The following HS3ST3A1 variants were observed in gnomAD, a reference collection of about 807,000 sequenced individuals.
HS3ST3A1 encodes heparan sulfate glucosamine 3-O-sulfotransferase 3A1.
HS3ST3A1 carries 19 observed loss-of-function variants against 25.7 expected under a neutral mutation model. That is an observed-to-expected ratio of 0.74 (90% CI 0.52 to 1.08). HS3ST3A1 has a LOEUF of 1.08. HS3ST3A1 is among the 50% of genes least tolerant of loss of function. HS3ST3A1 has a pLI of 0.00. For missense variants in HS3ST3A1, 459 were observed against 594.3 expected (o/e 0.77, Z 2.37); for synonymous variants, 226 against 278.6 (o/e 0.81, Z 1.88).
chr17:13,513,752 A>G (rs1356427342), intron 1 of HS3ST3A1, among the ~76,000 whole-genome samples: 1 of 152,168 alleles, frequency 6.6e-6, no homozygotes, highest in African/African-American at 2.4e-5. Context: ...TTATTATTGG[A>G]TACGTGGGTT....
chr17:13,502,013 A>T (rs148486273), intron 1 of HS3ST3A1, among the ~76,000 whole-genome samples: 29 of 152,216 alleles, frequency 1.9e-4, no homozygotes, highest in Admixed American at 1.6e-3. Context: ...CTTCCATGGC[A>T]TGGGTGCAGT....
At chr17:13,567,487 T>C (rs537672177) in intron 1 of HS3ST3A1, among the ~76,000 whole-genome samples, 1 of 152,242 alleles carries the variant, frequency 6.6e-6, no homozygotes, top group Non-Finnish European at 1.5e-5. Context: ...CTACCATAGA[T>C]AGTGATTCCT....
At chr17:13,515,946 T>C (rs1906038037) in intron 1 of HS3ST3A1, among the ~76,000 whole-genome samples, 1 of 152,202 alleles carries the variant, frequency 6.6e-6, no homozygotes, top group Non-Finnish European at 1.5e-5. Flanking sequence ...TATTGAAATG[T>C]TTATTACAGT....
rs1908707571 is a variant in HS3ST3A1, at chr17:13,600,790, C to T, written c.340G>A (p.Glu114Lys). ...CCTGACAGGCCAGGGGACTCTTCTTCCCAGGCCGCCTCCTCGCCGTCGTCG... is the reference window on the plus strand; with the variant it reads ...CCTGACAGGCCAGGGGACTCTTCTTTCCAGGCCGCCTCCTCGCCGTCGTCG... ...PRDDGEEAAWEEESPGLSGGP... is the reference protein window; with the variant it reads ...PRDDGEEAAWKEESPGLSGGP... Residue 114 changes from glutamate to lysine, a missense_variant, in exon 1 of 2, where the codon GAA becomes AAA. By Grantham distance (56) the Glu-to-Lys change is moderately conservative. Transcript: ENST00000284110. 1 of 1,435,198 alleles carries T rather than the reference C, an allele frequency of 7.0e-7. No homozygotes were observed. Among genetic ancestry groups the T allele is most frequent in the Non-Finnish European group, 9.0e-7 (1 of 1,107,606 alleles). 88.9% of individuals were successfully genotyped at this position (1,435,198 alleles called of 1,614,324 possible).
intron 1 of HS3ST3A1, among the ~76,000 whole-genome samples, chr17:13,542,988 C>T (rs1598420907): frequency 6.6e-6 from 1 of 152,184 alleles, no homozygotes; most frequent in East Asian, 1.9e-4. Flanking sequence ...GCACACACAG[C>T]AGTTCCTGGA....
chr17:13,599,007 A>T (rs1311120082), intron 1 of HS3ST3A1, among the ~76,000 whole-genome samples: 1 of 152,100 alleles, frequency 6.6e-6, no homozygotes, highest in East Asian at 1.9e-4. Flanking sequence ...GCAAACTGCT[A>T]TAGATAAGAG....
rs1255070112 is a variant in HS3ST3A1 at position 13,601,072 on chromosome 17, TGCGGGACA to T, written c.50_57del (p.Leu17GlnfsTer355). The T allele has an allele frequency of 1.3e-6, 2 of 1,598,020 alleles. No homozygotes were observed. The highest frequency in any genetic ancestry group is 1.7e-6 in the Non-Finnish European group (2 of 1,173,234). ...ATCAGCAAGAACTTCCGGAAGATGC[TGCGGGACA>T]GCGGCTCGGCCGAGGTGGAGAGGGC... On this transcript the variant is annotated frameshift_variant, in exon 1 of 2. Transcript: ENST00000284110. LOFTEE classifies it high-confidence loss of function.
chr17:13,593,787 GATC>G (rs1310930134), intron 1 of HS3ST3A1, among the ~76,000 whole-genome samples: 1 of 152,160 alleles, frequency 6.6e-6, no homozygotes, highest in Non-Finnish European at 1.5e-5. Context: ...TCACCCAAAT[GATC>G]ATCTTAGGGG....
At chr17:13,552,285 G>A (rs1232035356) in intron 1 of HS3ST3A1, among the ~76,000 whole-genome samples, 3 of 152,122 alleles carry the variant, frequency 2.0e-5, no homozygotes, top group Non-Finnish European at 4.4e-5. Flanking sequence ...GTTTCACTAT[G>A]TTGGCCAGAC....
At chr17:13,571,104 GAA>G (rs1907795966) in intron 1 of HS3ST3A1, among the ~76,000 whole-genome samples, 2 of 152,118 alleles carry the variant, frequency 1.3e-5, no homozygotes, top group Non-Finnish European at 2.9e-5. Flanking sequence ...AGCCAAACTG[GAA>G]TTAAAGGGAG....
rs1032658136 is a variant in HS3ST3A1 at position 13,495,391 on chromosome 17, T to C, written c.*806A>G. 6.6e-6 allele frequency among the ~76,000 whole-genome samples: 1 copy of C among 152,202 alleles called. No homozygotes were observed. Among genetic ancestry groups the C allele is most frequent in the Non-Finnish European group, 1.5e-5 (1 of 68,032 alleles). On this transcript the variant is annotated 3_prime_UTR_variant, in exon 2 of 2. Coordinates refer to ENST00000284110, the MANE Select transcript of HS3ST3A1 (RefSeq NM_006042.3). Reference sequence around the variant, plus strand: ...TCAGTGGTTTTCTTGGACACAACTATGTAATGAGACTGGGTGCCATGAGGG... The same window carrying C: ...TCAGTGGTTTTCTTGGACACAACTACGTAATGAGACTGGGTGCCATGAGGG...
At chr17:13,598,168 C>T (rs181987388) in intron 1 of HS3ST3A1, among the ~76,000 whole-genome samples, 2 of 152,238 alleles carry the variant, frequency 1.3e-5, no homozygotes, top group East Asian at 1.9e-4. Flanking sequence ...TTTGGGCTGA[C>T]TCATGCAGGT....
chr17:13,536,729 T>A (rs1906781679), intron 1 of HS3ST3A1, among the ~76,000 whole-genome samples: 1 of 152,226 alleles, frequency 6.6e-6, no homozygotes, highest in Non-Finnish European at 1.5e-5. Flanking sequence ...GGTTAGGCTC[T>A]CTGGGCATGT....
At position 13,601,437 on chromosome 17, in the gene HS3ST3A1, T is replaced by G; in HGVS notation, c.-308A>C. 5.3e-5 allele frequency: 15 copies of G among 281,688 alleles called. No homozygotes were observed. The highest frequency in any genetic ancestry group is 6.6e-5 in the Non-Finnish European group (10 of 151,918). The allele number at this position is 281,688 out of a possible 1,614,324, so 17.4% of individuals were successfully genotyped here. ...GCTTGGGGCAGCCTTGGCCCCTCGG[T>G]TCCCCGCAAGAGTCGCCGGAATCGG... On this transcript the variant is annotated 5_prime_UTR_variant, in exon 1 of 2. Coordinates refer to ENST00000284110, the MANE Select transcript of HS3ST3A1 (RefSeq NM_006042.3).
rs189185036 is a variant in HS3ST3A1 at position 13,524,568 on chromosome 17, A to G, written c.600-27750T>C. ...GCTTAAGCATATTTTTGATATTTCT[A>G]TATTTATTCTTGTTTTTCCAATTGC... On this transcript the variant is annotated intron_variant, in intron 1 of 1. Transcript: ENST00000284110. Among the ~76,000 whole-genome samples the G allele has an allele frequency of 2.1e-3, 321 of 152,220 alleles. 5 individuals carry two copies. Among genetic ancestry groups the G allele is most frequent in the Non-Finnish European group, 5.0e-4 (34 of 68,008 alleles).
intron 1 of HS3ST3A1, among the ~76,000 whole-genome samples, chr17:13,537,801 G>A (rs867189526): frequency 1.3e-5 from 2 of 152,316 alleles, no homozygotes; most frequent in Middle Eastern, 3.4e-3. Flanking sequence ...CTGGAGGGCA[G>A]GTGGTGGCAC....
chr17:13,515,284 CG>C (rs1567611647), intron 1 of HS3ST3A1, among the ~76,000 whole-genome samples: 1 of 152,074 alleles, frequency 6.6e-6, no homozygotes, highest in East Asian at 1.9e-4. Context: ...CTCAGCTTCC[CG>C]AGTAGCTGGC....
At chr17:13,506,096 T>A (rs1382811955) in intron 1 of HS3ST3A1, among the ~76,000 whole-genome samples, 4 of 147,742 alleles carry the variant, frequency 2.7e-5, no homozygotes, top group African/African-American at 1.0e-4. Context: ...TTTTTTTTTT[T>A]AAAGTTAGGG....
At chr17:13,520,890 A>C (rs1207431942) in intron 1 of HS3ST3A1, among the ~76,000 whole-genome samples, 2 of 152,090 alleles carry the variant, frequency 1.3e-5, no homozygotes, top group East Asian at 3.9e-4. Context: ...GGGATCATTT[A>C]GATTTTTAAG....
Sources: allele counts gnomAD v4.1 joint callset (sites outside exome capture counted in the v4.1 genomes callset), GRCh38; gene constraint gnomAD v4.1.1; transcripts MANE v1.5; gene names NCBI Gene and HGNC (gene_info 2026-07-23, HGNC 2026-07-21).